EML6: variants seen among roughly 807,000 people sequenced by gnomAD.
EML6 encodes the protein EMAP like 6, also known as echinoderm microtubule-associated protein-like 6.
Under a neutral mutation model 240.1 loss-of-function variants are expected in EML6, and 154 were observed. The ratio of observed to expected loss-of-function variants is 0.64; its 90% CI spans 0.56 to 0.73. The LOEUF (loss-of-function observed/expected upper bound fraction) is 0.73, where lower values mean the gene tolerates loss of function less well. Among genes scored for constraint, EML6 ranks in the 30% least tolerant of loss-of-function variants. The pLI is 0.00. For synonymous variants in EML6, 1,148 were observed against 899.0 expected, an observed-to-expected ratio of 1.28 and a Z score of -4.95; for missense variants, 2,964 against 2,474.6, an observed-to-expected ratio of 1.20 and a Z score of -4.20.
chr2:54,804,178 G>A (rs1034992745), intron 2 of EML6, among the ~76,000 whole-genome samples: 4 of 152,230 alleles, frequency 2.6e-5, no homozygotes, highest in African/African-American at 9.6e-5. Context: ...AAAGCCACTA[G>A]ACCAGATGGA....
chr2:54,883,371 T>G (rs761559002), intron 17 of EML6, among the ~76,000 whole-genome samples: 1 of 152,344 alleles, frequency 6.6e-6, no homozygotes, highest in Non-Finnish European at 1.5e-5. Context: ...AATTTAAATT[T>G]TTTTTGGAGT....
chr2:54,954,226 C>A, intron 32 of EML6, 70 bp downstream of exon 32: 1 of 1,375,782 alleles, frequency 7.3e-7, no homozygotes, highest in Non-Finnish European at 9.8e-7. Context: ...TGGGCTCGAA[C>A]CCAGATCTGC....
chr2:54,939,047 G>A (rs191030962), intron 28 of EML6, among the ~76,000 whole-genome samples: 3 of 152,184 alleles, frequency 2.0e-5, no homozygotes, highest in African/African-American at 7.2e-5. Flanking sequence ...TCTAGAACAT[G>A]CTGGCACTTA....
At chr2:54,962,221 T>C (rs182437854) in intron 35 of EML6, among the ~76,000 whole-genome samples, 76 of 151,784 alleles carry the variant, frequency 5.0e-4, no homozygotes, top group African/African-American at 1.7e-3. Context: ...TAGTGGTGTT[T>C]TAAATTTTTT....
intron 7 of EML6, among the ~76,000 whole-genome samples, chr2:54,833,207 A>C (rs1668966201): frequency 6.6e-6 from 1 of 152,258 alleles, no homozygotes; most frequent in Non-Finnish European, 1.5e-5. Flanking sequence ...GAGGGTATTT[A>C]TAAAGATCAC....
intron 25 of EML6, among the ~76,000 whole-genome samples, chr2:54,913,238 G>C (rs1359530868): frequency 6.7e-6 from 1 of 150,058 alleles, no homozygotes; most frequent in Non-Finnish European, 1.5e-5. Context: ...CATATCTTTT[G>C]CCCACTTTTT....
chr2:54,877,880 C>G (rs1671594299), intron 16 of EML6, among the ~76,000 whole-genome samples: 1 of 152,200 alleles, frequency 6.6e-6, no homozygotes, highest in African/African-American at 2.4e-5. Flanking sequence ...CTTTTTCTTT[C>G]TCTGACTCTC....
intron 36 of EML6, 136 bp from the exon 37 acceptor site, chr2:54,963,850 C>T (rs528124966): frequency 2.7e-6 from 2 of 731,984 alleles, no homozygotes; most frequent in East Asian, 5.5e-5. Flanking sequence ...GGGACATTTA[C>T]TCTAAGAAGC....
rs1325215902 is a variant in EML6, at chr2:54,789,496, A to G, written c.198-23736A>G. 1.2e-3 allele frequency among the ~76,000 whole-genome samples: 148 copies of G among 123,822 alleles called. 1 individual carries two copies. Among genetic ancestry groups the G allele is most frequent in the Middle Eastern group, 4.4e-3 (1 of 228 alleles). The allele number at this position is 123,822 out of a possible 152,430, so 81.2% of individuals were successfully genotyped here. On this transcript the variant is annotated intron_variant, in intron 2 of 41. Coordinates refer to ENST00000356458, the MANE Select transcript of EML6 (RefSeq NM_001039753.4). ...GCCACTGCACTCCCGCCTGGGCCAC[A>G]GAGCGAGACTTCGTCTCAAAAAAAA...
chr2:54,852,105 G>T (rs4671979), intron 10 of EML6, among the ~76,000 whole-genome samples: 66,069 of 151,936 alleles, frequency 0.43, 14,572 homozygotes, highest in East Asian at 0.56. Flanking sequence ...TTATTTACTT[G>T]GATTGTTTTA....
chr2:54,923,423 A>C (rs2104361780), intron 26 of EML6, among the ~76,000 whole-genome samples: 1 of 150,304 alleles, frequency 6.7e-6, no homozygotes, highest in Middle Eastern at 3.4e-3. Context: ...CTATGTCATG[A>C]TTAATGCATT....
intron 7 of EML6, among the ~76,000 whole-genome samples, chr2:54,834,155 G>T (rs1669014033): frequency 6.6e-6 from 1 of 152,106 alleles, no homozygotes; most frequent in South Asian, 2.1e-4. Flanking sequence ...GCGGTGGCGG[G>T]GCATGGGGAG....
At chr2:54,864,776 C>T (rs1368475003) in intron 13 of EML6, among the ~76,000 whole-genome samples, 1 of 152,188 alleles carries the variant, frequency 6.6e-6, no homozygotes, top group African/African-American at 2.4e-5. Context: ...GGCTTATCTC[C>T]AAAGTGCACA....
intron 3 of EML6, among the ~76,000 whole-genome samples, chr2:54,813,723 C>T (rs1156515043): frequency 6.6e-6 from 1 of 152,162 alleles, no homozygotes; most frequent in Admixed American, 6.5e-5. Flanking sequence ...AAGGGCTAGA[C>T]CAAGCCTTAT....
Position 54,739,524 on chromosome 2 carries a change from A to G in EML6, c.197+14266A>G, listed in dbSNP as rs373568840. Among the ~76,000 whole-genome samples the G allele has an allele frequency of 2.6e-5, 4 of 152,252 alleles. No individual in the cohort carries two copies. The East Asian group carries it at 7.7e-4, about 29-fold the overall frequency. ...AAACCCTTAAGGAAAATGACTTACA[A>G]CAAAGATTTCTTGAGTGCCTCCTGT... On this transcript the variant is annotated intron_variant, in intron 2 of 41. Coordinates refer to ENST00000356458, the MANE Select transcript of EML6 (RefSeq NM_001039753.4).
At position 54,786,492 on chromosome 2, in the gene EML6, G is replaced by C. The variant is rs150320438; in HGVS notation, c.198-26740G>C. On this transcript the variant is annotated intron_variant, in intron 2 of 41. Coordinates refer to ENST00000356458, the MANE Select transcript of EML6 (RefSeq NM_001039753.4). ...CAGTGGGGTCCCCTCCCCTGCTCAA[G>C]TGCTGCTACCGCACCCGCTACCTAC... 1.5e-3 allele frequency among the ~76,000 whole-genome samples: 233 copies of C among 152,296 alleles called. 1 individual carries two copies. The highest frequency in any genetic ancestry group is 2.9e-3 in the Non-Finnish European group (200 of 68,022).
chr2:54,894,253 G>T (rs939272072), intron 19 of EML6, among the ~76,000 whole-genome samples: 2 of 149,892 alleles, frequency 1.3e-5, no homozygotes, highest in Non-Finnish European at 3.0e-5. Context: ...TAAATTACCA[G>T]AAAGGAAAAC....
At chr2:54,880,452 T>G (rs1299268881) in intron 17 of EML6, 1 of 152,234 alleles carries the variant, frequency 6.6e-6, no homozygotes, top group East Asian at 1.9e-4. Context: ...TAAAGTAATA[T>G]TTTCCTCTAC....
chr2:54,905,321 G>GACACACACACACACAC (rs70944194), intron 24 of EML6, among the ~76,000 whole-genome samples: 26 of 121,654 alleles, frequency 2.1e-4, no homozygotes, highest in African/African-American at 7.6e-4. Context: ...TTTAGAATCC[G>GACACACACACACACAC]ACACACACAC....
Sources: allele counts gnomAD v4.1 joint callset (sites outside exome capture counted in the v4.1 genomes callset), GRCh38; gene constraint gnomAD v4.1.1; transcripts MANE v1.5; gene names NCBI Gene and HGNC (gene_info 2026-07-23, HGNC 2026-07-21).